EXOC4: variants seen among roughly 807,000 people sequenced by gnomAD.
EXOC4 encodes exocyst complex component 4.
Under a neutral mutation model 107.2 loss-of-function variants are expected in EXOC4, and 71 were observed. The observed-to-expected ratio is 0.66, with a 90% CI of 0.55 to 0.81. The LOEUF (loss-of-function observed/expected upper bound fraction) is 0.81. Among genes scored for constraint, EXOC4 ranks in the 30% least tolerant of loss-of-function variants. The pLI is 0.00. For synonymous variants in EXOC4, 456 were observed against 441.2 expected, an observed-to-expected ratio of 1.03 and a Z score of -0.42; for missense variants, 1,108 against 1,189.6, an observed-to-expected ratio of 0.93 and a Z score of 1.01.
rs965510071 is a variant in EXOC4 at position 133,321,266 on chromosome 7, T to G, written c.763+3876T>G. ...CGTGTCCTATTTTGAGGTAGAGTTGTGGGTGACTTTTTTTTTTTAAATTAT... is the reference window on the plus strand; with the variant it reads ...CGTGTCCTATTTTGAGGTAGAGTTGGGGGTGACTTTTTTTTTTTAAATTAT... On this transcript the variant is annotated intron_variant, in intron 5 of 17. Transcript: ENST00000253861. Among the ~76,000 whole-genome samples the G allele has an allele frequency of 2.0e-5, 3 of 152,046 alleles. 1 individual carries two copies. The highest frequency in any genetic ancestry group is 7.2e-5 in the African/African-American group (3 of 41,388).
intron 17 of EXOC4, 84 bp downstream of exon 17, chr7:134,007,919 G>T: frequency 7.9e-7 from 1 of 1,270,780 alleles, no homozygotes; most frequent in Non-Finnish European, 1.1e-6. Context: ...ATAGACTCTT[G>T]GTGCAGAAAA....
intron 10 of EXOC4, among the ~76,000 whole-genome samples, chr7:133,709,134 G>C (rs1391494741): frequency 2.0e-5 from 3 of 152,216 alleles, no homozygotes; most frequent in Non-Finnish European, 2.9e-5. Flanking sequence ...ACTGTGTTCA[G>C]AAAGGTTCTG....
intron 3 of EXOC4, among the ~76,000 whole-genome samples, chr7:133,300,821 G>C (rs534002236): frequency 6.6e-6 from 1 of 152,198 alleles, no homozygotes; most frequent in African/African-American, 2.4e-5. Context: ...ACCAATATTT[G>C]ATCATTTTTA....
chr7:134,010,449 T>G (rs1794737414), intron 17 of EXOC4, among the ~76,000 whole-genome samples: 1 of 152,170 alleles, frequency 6.6e-6, no homozygotes, highest in Admixed American at 6.5e-5. Context: ...TCCCTCTCAT[T>G]TTTTCTTGTT....
intron 17 of EXOC4, among the ~76,000 whole-genome samples, chr7:134,034,766 G>T (rs1795350260): frequency 6.6e-6 from 1 of 152,192 alleles, no homozygotes; most frequent in African/African-American, 2.4e-5. Flanking sequence ...AATACAGGTT[G>T]TAAGTGACTG....
intron 7 of EXOC4, among the ~76,000 whole-genome samples, chr7:133,401,305 C>A (rs1412629528): frequency 1.3e-5 from 2 of 151,820 alleles, no homozygotes; most frequent in African/African-American, 2.4e-5. Context: ...AACTATTTAA[C>A]CTCTCAGTGA....
At chr7:133,691,786 A>T (rs1214527872) in intron 10 of EXOC4, among the ~76,000 whole-genome samples, 1 of 152,214 alleles carries the variant, frequency 6.6e-6, no homozygotes, top group Non-Finnish European at 1.5e-5. Flanking sequence ...AGATGTATTC[A>T]AGTTGAGAAT....
chr7:134,092,354 G>A, the EXOC4 span, among the ~76,000 whole-genome samples: 1 of 152,102 alleles, frequency 6.6e-6, no homozygotes, highest in Non-Finnish European at 1.5e-5. Flanking sequence ...AAACCAGAAA[G>A]TATGGGCCAT....
At position 133,374,869 on chromosome 7, in the gene EXOC4, A is replaced by G; in HGVS notation, c.1049A>G (p.Asn350Ser). 2 of 1,613,926 alleles carry G rather than the reference A, an allele frequency of 1.2e-6. No individual in the cohort carries two copies. The highest frequency in any genetic ancestry group is 1.7e-6 in the Non-Finnish European group (2 of 1,179,854). ...CTGGAGTTACTGTTTGACAAGTTTA[A>G]TGCTGTAGCCGCTGCACACTCTGTG... Reference protein sequence around the residue: ...ELLELLFDKFNAVAAAHSVVL... With the variant: ...ELLELLFDKFSAVAAAHSVVL... Residue 350 changes from asparagine (N) to serine (S), a missense_variant, in exon 7 of 18, where the codon AAT (asparagine) becomes AGT (serine). Asn to Ser is a conservative substitution (Grantham distance 46, BLOSUM62 1). Transcript: ENST00000253861.
Position 133,817,358 on chromosome 7 carries a change from T to G in EXOC4, c.1548T>G (p.Leu516=). 6.2e-7 allele frequency: 1 copy of G among 1,614,104 alleles called. No homozygotes were observed. The highest frequency in any genetic ancestry group is 8.5e-7 in the Non-Finnish European group (1 of 1,179,996). Residue 516 remains leucine (L), a synonymous_variant, in exon 11 of 18, where the codon CTT becomes CTG. Transcript: ENST00000253861. ...FIQEIEHALG[L]GPAKQCPLRE... is the part of the protein sequence containing the mutation. Reference sequence around the variant, plus strand: ...AGGAGATTGAGCATGCTCTGGGTCTTGGCCCAGCCAAACAGTGTCCTCTTC... The same window carrying G: ...AGGAGATTGAGCATGCTCTGGGTCTGGGCCCAGCCAAACAGTGTCCTCTTC...
intron 12 of EXOC4, among the ~76,000 whole-genome samples, chr7:133,915,694 TA>T (rs1233752846): frequency 6.6e-6 from 1 of 152,100 alleles, no homozygotes; most frequent in Non-Finnish European, 1.5e-5. Flanking sequence ...TATAAGATTG[TA>T]AAAGTTAGAT....
intron 11 of EXOC4, among the ~76,000 whole-genome samples, chr7:133,874,208 A>G (rs1327229724): frequency 6.6e-6 from 1 of 152,204 alleles, no homozygotes; most frequent in African/African-American, 2.4e-5. Flanking sequence ...CTCAAAGTCA[A>G]TGTTAAAATT....
chr7:133,534,447 C>T (rs551684250), intron 9 of EXOC4, among the ~76,000 whole-genome samples: 92 of 152,262 alleles, frequency 6.0e-4, no homozygotes, highest in Non-Finnish European at 1.1e-3. Flanking sequence ...ATCAATGTCA[C>T]ATTAGCAGCA....
chr7:133,786,831 C>A (rs1184439045), intron 10 of EXOC4, among the ~76,000 whole-genome samples: 5 of 152,198 alleles, frequency 3.3e-5, no homozygotes, highest in Non-Finnish European at 7.3e-5. Flanking sequence ...TCCTAATCAT[C>A]CAGGCAAACA....
intron 10 of EXOC4, among the ~76,000 whole-genome samples, chr7:133,753,625 C>A (rs1255248845): frequency 6.6e-6 from 1 of 152,214 alleles, no homozygotes; most frequent in Non-Finnish European, 1.5e-5. Flanking sequence ...ACAAGAATTT[C>A]TCCAGGTGAA....
intron 10 of EXOC4, among the ~76,000 whole-genome samples, chr7:133,716,605 A>T (rs1201143034): frequency 6.6e-6 from 1 of 152,226 alleles, no homozygotes; most frequent in East Asian, 1.9e-4. Flanking sequence ...TTACTTCTAG[A>T]ATATGTTTGT....
chr7:133,349,411 TTGTC>T (rs1416197823), intron 5 of EXOC4, among the ~76,000 whole-genome samples: 1 of 152,238 alleles, frequency 6.6e-6, no homozygotes, highest in African/African-American at 2.4e-5. Context: ...CATACAGTAT[TTGTC>T]TTTCTTTTGA....
At chr7:133,369,907 C>T (rs956159219) in intron 6 of EXOC4, among the ~76,000 whole-genome samples, 8 of 146,600 alleles carry the variant, frequency 5.5e-5, no homozygotes, top group Admixed American at 1.4e-4. Context: ...CGGGTTCAAG[C>T]GATTCTTCTG....
intron 14 of EXOC4, among the ~76,000 whole-genome samples, 178 bp from the exon 15 acceptor site, chr7:133,997,314 T>G (rs947926681): frequency 2.6e-5 from 4 of 152,242 alleles, no homozygotes; most frequent in African/African-American, 9.6e-5. Context: ...GATAAGCCAC[T>G]GCACTTCTAT....
Sources: gnomAD v4.1 joint callset for allele counts (sites outside exome capture counted in the v4.1 genomes callset) on GRCh38, gnomAD v4.1.1 for gene constraint, MANE v1.5 for transcripts, NCBI Gene and HGNC (gene_info 2026-07-23, HGNC 2026-07-21) for gene names.